Variants in RIMBP2 observed in about 807,000 individuals in gnomAD.
RIMBP2 encodes the protein RIMS-binding protein 2.
Under a neutral mutation model 118.6 loss-of-function variants are expected in RIMBP2, and 48 were observed. The observed-to-expected ratio is 0.40, with a 90% CI of 0.32 to 0.51. The LOEUF (loss-of-function observed/expected upper bound fraction) is 0.51. Ranked by LOEUF, RIMBP2 falls within the 20% of genes least tolerant of loss-of-function variation. RIMBP2 has a pLI of 0.41. For synonymous variants in RIMBP2, 762 were observed against 742.9 expected (o/e 1.03, Z -0.42); for missense variants, 1,551 against 1,768.3 (o/e 0.88, Z 2.20).
chr12:130,470,448 T>G (rs1403695709), intron 6 of RIMBP2: 2 of 370,056 alleles, frequency 5.4e-6, no homozygotes, highest in Non-Finnish European at 9.6e-6. Flanking sequence ...TGGGTCTGGA[T>G]GTGTGGCCAA....
intron 1 of RIMBP2, among the ~76,000 whole-genome samples, chr12:130,700,355 C>T (rs2065799001): frequency 1.3e-5 from 2 of 152,138 alleles, no homozygotes; most frequent in Non-Finnish European, 1.5e-5. Flanking sequence ...GACGGTCAAC[C>T]ACGGCAGTGG....
chr12:130,654,001 C>T (rs550011244), intron 1 of RIMBP2, among the ~76,000 whole-genome samples: 1 of 152,322 alleles, frequency 6.6e-6, no homozygotes, highest in African/African-American at 2.4e-5. Context: ...CCTAAAAGAT[C>T]TCTGAAATGC....
rs913223770 is a variant in RIMBP2, at chr12:130,446,442, G to A, written c.582-1173C>T. Among the ~76,000 whole-genome samples the A allele has an allele frequency of 4.6e-5, 7 of 152,282 alleles. No homozygotes were observed. The highest frequency in any genetic ancestry group is 6.8e-3 in the Middle Eastern group (2 of 294). ...CACAAGCTTATGAATCGGTGGAAGG[G>A]GAACCAGAGCTGAGACCTCCTGACC... On this transcript the variant is annotated intron_variant, in intron 9 of 22. Transcript: ENST00000690449. The surrounding 1 kb of genome is among the most constrained non-coding windows in gnomAD (Gnocchi z 4.1).
At position 130,511,228 on chromosome 12, in the gene RIMBP2, A is replaced by C. The variant is rs565999771; in HGVS notation, c.-126-4458T>G. Among the ~76,000 whole-genome samples the C allele has an allele frequency of 6.6e-6, 1 of 152,256 alleles. No homozygotes were observed. Among genetic ancestry groups the C allele is most frequent in the East Asian group, 1.9e-4 (1 of 5,174 alleles). Reference sequence around the variant, plus strand: ...AAGATCAGGGAAGGAAGCCAAAAAAAGGCAAGAGGAGAGACTGTCCCCCAG... The same window carrying C: ...AAGATCAGGGAAGGAAGCCAAAAAACGGCAAGAGGAGAGACTGTCCCCCAG... On this transcript the variant is annotated intron_variant, in intron 3 of 22. Transcript: ENST00000690449. This position sits in a 1 kb window ranked among gnomAD's most constrained non-coding sequence, Gnocchi z 4.3.
chr12:130,620,612 T>C lies in RIMBP2; in HGVS notation c.-217+7710A>G, dbSNP rs971074228. ...GTCACAGGCAGGCTCTGCCCGTGCC[T>C]GTCCCCGGCTTCTGTGGTGGCTGAC... On this transcript the variant is annotated intron_variant, in intron 2 of 22. Coordinates refer to ENST00000690449, the MANE Select transcript of RIMBP2 (RefSeq NM_001393629.1). The surrounding 1 kb of genome is among the most constrained non-coding windows in gnomAD (Gnocchi z 5.3). 6.6e-6 allele frequency among the ~76,000 whole-genome samples: 1 copy of C among 152,182 alleles called. No homozygotes were observed. The highest frequency in any genetic ancestry group is 1.5e-5 in the Non-Finnish European group (1 of 68,026).
chr12:130,493,397 C>T (rs1230170432), intron 4 of RIMBP2, among the ~76,000 whole-genome samples: 1 of 152,088 alleles, frequency 6.6e-6, no homozygotes, highest in African/African-American at 2.4e-5. Flanking sequence ...TCACTGCAAC[C>T]TCCACCTCCT....
chr12:130,638,825 C>A lies in RIMBP2; in HGVS notation c.-351-10369G>T, dbSNP rs2062469804. ...AGCAGGGAGGGAATAACAGGTAGAACAGGAGGGATTTTTAGGGCAGTGGAA... is the reference window on the plus strand; with the variant it reads ...AGCAGGGAGGGAATAACAGGTAGAAAAGGAGGGATTTTTAGGGCAGTGGAA... On this transcript the variant is annotated intron_variant, in intron 1 of 22. Transcript: ENST00000690449. Among the ~76,000 whole-genome samples, 2 of 151,628 alleles carry A rather than the reference C, an allele frequency of 1.3e-5. 1 individual carries two copies. Among genetic ancestry groups the A allele is most frequent in the South Asian group, 4.2e-4 (2 of 4,806 alleles).
chr12:130,504,548 AG>A (rs1325458985), intron 4 of RIMBP2, among the ~76,000 whole-genome samples: 1 of 152,206 alleles, frequency 6.6e-6, no homozygotes, highest in Non-Finnish European at 1.5e-5. Context: ...CAGCCCTTGC[AG>A]CTGGAAAGGC....
chr12:130,478,843 C>T, intron 5 of RIMBP2, 69 bp downstream of exon 5: 1 of 1,195,830 alleles, frequency 8.4e-7, no homozygotes, highest in Non-Finnish European at 1.2e-6. Context: ...CGCTCCACCA[C>T]ACCAGGGATC....
intron 2 of RIMBP2, among the ~76,000 whole-genome samples, chr12:130,530,718 C>T (rs555653243): frequency 6.6e-6 from 1 of 152,222 alleles, no homozygotes; most frequent in Admixed American, 6.5e-5. Context: ...TAAAAAATCA[C>T]TTGCTTTTTC....
chr12:130,507,069 A>C (rs1180039074), intron 3 of RIMBP2, among the ~76,000 whole-genome samples: 2 of 152,114 alleles, frequency 1.3e-5, no homozygotes, highest in Non-Finnish European at 2.9e-5. Flanking sequence ...CATCCCCTGG[A>C]TGTGGTGATT....
chr12:130,428,128 T>C, intron 15 of RIMBP2, 51 bp downstream of exon 15: 1 of 1,502,136 alleles, frequency 6.7e-7, no homozygotes, highest in Non-Finnish European at 8.9e-7. Flanking sequence ...GGGACGTGGA[T>C]GGAGCTACTC....
intron 2 of RIMBP2, among the ~76,000 whole-genome samples, chr12:130,560,541 C>A (rs746253929): frequency 2.0e-5 from 3 of 152,152 alleles, no homozygotes; most frequent in African/African-American, 7.2e-5. Flanking sequence ...CACTCCCATC[C>A]GCTTTGAGAT....
intron 5 of RIMBP2, among the ~76,000 whole-genome samples, chr12:130,474,480 C>T (rs1452114821): frequency 6.6e-6 from 1 of 152,202 alleles, no homozygotes; most frequent in Non-Finnish European, 1.5e-5. Context: ...ACGCGCCTTT[C>T]ACGGAGCTGA....
chr12:130,445,332 G>T, intron 9 of RIMBP2, 63 bp from the exon 10 acceptor site: 1 of 1,170,734 alleles, frequency 8.5e-7, no homozygotes, highest in Non-Finnish European at 1.2e-6. Flanking sequence ...ACCCCTGTCC[G>T]TGCAGAACGC....
chr12:130,545,575 C>A (rs1296559661), intron 2 of RIMBP2, among the ~76,000 whole-genome samples: 1 of 152,122 alleles, frequency 6.6e-6, no homozygotes, highest in African/African-American at 2.4e-5. Context: ...TGTAAAATTG[C>A]ATTCGTGCCT....
chr12:130,646,763 G>A (rs1205750733), intron 1 of RIMBP2, among the ~76,000 whole-genome samples: 1 of 152,244 alleles, frequency 6.6e-6, no homozygotes, highest in African/African-American at 2.4e-5. Context: ...CGCCTCCAGG[G>A]GCGAATGATT....
intron 2 of RIMBP2, among the ~76,000 whole-genome samples, chr12:130,624,528 A>C (rs2061509538): frequency 6.6e-6 from 1 of 152,178 alleles, no homozygotes; most frequent in African/African-American, 2.4e-5. Flanking sequence ...TCTGAAAAGA[A>C]ACACCAAACT....
At chr12:130,438,127 A>G (rs1255605304) in intron 12 of RIMBP2, among the ~76,000 whole-genome samples, 3 of 152,158 alleles carry the variant, frequency 2.0e-5, no homozygotes, top group Non-Finnish European at 4.4e-5. Context: ...TGGCCCCTGC[A>G]TTTTTAATCC....
Sources: allele counts gnomAD v4.1 joint callset (sites outside exome capture counted in the v4.1 genomes callset), GRCh38; gene constraint gnomAD v4.1.1; non-coding constraint Gnocchi (gnomAD v3.1); transcripts MANE v1.5; gene names NCBI Gene and HGNC (gene_info 2026-07-23, HGNC 2026-07-21).